Variants in ENOX1 observed in about 807,000 individuals in gnomAD.
ENOX1 encodes the protein ecto-NOX disulfide-thiol exchanger 1, also known as candidate growth-related and time keeping constitutive hydroquinone (NADH) oxidase.
Under a neutral mutation model 82.5 loss-of-function variants are expected in ENOX1, and 42 were observed. The observed-to-expected ratio is 0.51, with a 90% CI of 0.40 to 0.66. ENOX1 has a LOEUF of 0.66. Among genes scored for constraint, ENOX1 ranks in the 30% least tolerant of loss-of-function variants. ENOX1 has a pLI of 0.00. For synonymous variants in ENOX1, 271 were observed against 282.2 expected (o/e 0.96, Z 0.40); for missense variants, 608 against 811.6 (o/e 0.75, Z 3.05).
Position 43,689,982 on chromosome 13 carries a change from A to C in ENOX1, c.-284-22438T>G, listed in dbSNP as rs186597707. ...ATTTTAAGTCCTTCTCCATTATTAGAGAATACAACAGAGTCTGTAGCCTGA... is the reference window on the plus strand; with the variant it reads ...ATTTTAAGTCCTTCTCCATTATTAGCGAATACAACAGAGTCTGTAGCCTGA... On this transcript the variant is annotated intron_variant, in intron 1 of 16. Coordinates refer to ENST00000690772, the MANE Select transcript of ENOX1 (RefSeq NM_001347969.2). Among the ~76,000 whole-genome samples, 4 of 152,268 alleles carry C rather than the reference A, an allele frequency of 2.6e-5. No individual in the cohort carries two copies. The East Asian group carries it at 5.8e-4, about 22-fold the overall frequency.
intron 9 of ENOX1, among the ~76,000 whole-genome samples, chr13:43,326,991 C>T (rs998831861): frequency 1.3e-5 from 2 of 152,196 alleles, no homozygotes; most frequent in African/African-American, 4.8e-5. Flanking sequence ...GACTCAATCA[C>T]AGTCCTCTCA....
chr13:43,255,318 C>T (rs541907150), intron 14 of ENOX1, among the ~76,000 whole-genome samples: 2 of 152,000 alleles, frequency 1.3e-5, no homozygotes, highest in East Asian at 3.9e-4. Flanking sequence ...CCATATATGA[C>T]AAACACAGTT....
chr13:43,387,293 A>C (rs1263431557), intron 5 of ENOX1, among the ~76,000 whole-genome samples: 4 of 152,222 alleles, frequency 2.6e-5, no homozygotes, highest in Non-Finnish European at 2.9e-5. Flanking sequence ...ATTGGTTAAG[A>C]TGGTCTGTCT....
chr13:43,710,646 G>GA (rs2087628997), intron 1 of ENOX1, among the ~76,000 whole-genome samples: 3 of 151,960 alleles, frequency 2.0e-5, no homozygotes, highest in African/African-American at 7.2e-5. Flanking sequence ...TATCAACATA[G>GA]AAAAATTAAC....
chr13:43,640,883 C>T (rs9562503), intron 2 of ENOX1, among the ~76,000 whole-genome samples: 6 of 133,696 alleles, frequency 4.5e-5, no homozygotes, highest in East Asian at 2.2e-4. Context: ...CACACACACG[C>T]GCACACACAC....
At chr13:43,609,440 T>G (rs181024797) in intron 2 of ENOX1, among the ~76,000 whole-genome samples, 51 of 152,362 alleles carry the variant, frequency 3.3e-4, no homozygotes, top group Non-Finnish European at 6.3e-4. Context: ...TTTGGTACAA[T>G]GAATAATTCT....
chr13:43,588,025 A>G (rs2081073431), intron 2 of ENOX1, among the ~76,000 whole-genome samples: 1 of 152,196 alleles, frequency 6.6e-6, no homozygotes, highest in African/African-American at 2.4e-5. Context: ...CTTTCTAACA[A>G]AGCAATGGAA....
intron 3 of ENOX1, among the ~76,000 whole-genome samples, chr13:43,443,790 C>T (rs2056485049): frequency 6.6e-6 from 1 of 152,134 alleles, no homozygotes; most frequent in Admixed American, 6.5e-5. Context: ...AGAATAGGAT[C>T]AGACCAGGCG....
intron 2 of ENOX1, among the ~76,000 whole-genome samples, chr13:43,613,718 T>C (rs1186963270): frequency 6.6e-6 from 1 of 151,958 alleles, no homozygotes; most frequent in South Asian, 2.1e-4. Flanking sequence ...GACTGAACCA[T>C]AAATAGAAGG....
chr13:43,777,489 T>C (rs1435031086), intron 1 of ENOX1, among the ~76,000 whole-genome samples: 2 of 152,130 alleles, frequency 1.3e-5, no homozygotes, highest in African/African-American at 4.8e-5. Context: ...TACACTATAG[T>C]TTTATAAGAT....
At chr13:43,315,319 T>G (rs1478414736) in intron 11 of ENOX1, among the ~76,000 whole-genome samples, 1 of 152,260 alleles carries the variant, frequency 6.6e-6, no homozygotes, top group East Asian at 1.9e-4. Context: ...TATGAGCATC[T>G]GCTAGAATCA....
chr13:43,316,680 G>T (rs2047511275), intron 11 of ENOX1, among the ~76,000 whole-genome samples: 1 of 151,798 alleles, frequency 6.6e-6, no homozygotes, highest in African/African-American at 2.4e-5. Flanking sequence ...TTACGGAAAG[G>T]GAATTGTAAC....
intron 2 of ENOX1, among the ~76,000 whole-genome samples, chr13:43,511,946 A>C (rs1332293671): frequency 6.6e-6 from 1 of 152,144 alleles, no homozygotes; most frequent in African/African-American, 2.4e-5. Flanking sequence ...TATTATGTAT[A>C]TACAGCCTAT....
chr13:43,580,348 G>C (rs1424166863), intron 2 of ENOX1, among the ~76,000 whole-genome samples: 2 of 152,170 alleles, frequency 1.3e-5, no homozygotes, highest in Admixed American at 1.3e-4. Context: ...GGACACTTTT[G>C]TCGCCAACAA....
At chr13:43,503,245 T>A (rs764101012) in intron 2 of ENOX1, among the ~76,000 whole-genome samples, 1 of 151,700 alleles carries the variant, frequency 6.6e-6, no homozygotes, top group Non-Finnish European at 1.5e-5. Flanking sequence ...CCCATGTTCA[T>A]GGAAAGACTT....
Position 43,236,732 on chromosome 13 carries a change from T to A in ENOX1, c.1618A>T (p.Asn540Tyr). The A allele has an allele frequency of 6.4e-7, 1 of 1,569,816 alleles. No individual in the cohort carries two copies. Among genetic ancestry groups the A allele is most frequent in the Non-Finnish European group, 8.6e-7 (1 of 1,167,008 alleles). ...TTGACTAATGCAACTGTCAACACAT[T>A]GATTTCCTATAAAGTTAAAAGCCAA... ...GHSHEDSNEI[N>Y]VLTVALVNQD... is the part of the protein sequence containing the mutation. The change falls in exon 15 of 17, where the codon AAT (asparagine) becomes TAT (tyrosine). Residue 540 changes from asparagine to tyrosine, a missense_variant. Transcript: ENST00000690772.
At chr13:43,219,800 T>C (rs969923457) in intron 16 of ENOX1, among the ~76,000 whole-genome samples, 1 of 152,232 alleles carries the variant, frequency 6.6e-6, no homozygotes, top group Admixed American at 6.5e-5. Flanking sequence ...CTCATCATGG[T>C]TGGCTCCATA....
At chr13:43,676,524 G>C (rs2085519033) in intron 1 of ENOX1, among the ~76,000 whole-genome samples, 1 of 152,136 alleles carries the variant, frequency 6.6e-6, no homozygotes, top group Admixed American at 6.6e-5. Context: ...CTCTATGTTT[G>C]TCCCTGTGAG....
intron 14 of ENOX1, among the ~76,000 whole-genome samples, chr13:43,247,826 A>AACATATATAT (rs1214304694): frequency 1.4e-5 from 1 of 69,606 alleles, no homozygotes; most frequent in Non-Finnish European, 2.8e-5. Flanking sequence ...ACACAGATGC[A>AACATATATAT]ACATATATAT....
Sources: allele counts gnomAD v4.1 joint callset (sites outside exome capture counted in the v4.1 genomes callset), GRCh38; gene constraint gnomAD v4.1.1; transcripts MANE v1.5; gene names NCBI Gene and HGNC (gene_info 2026-07-23, HGNC 2026-07-21).